The following WWP2 variants were observed in gnomAD, a reference collection of about 807,000 sequenced individuals.
WWP2 encodes the protein NEDD4-like E3 ubiquitin-protein ligase WWP2.
Under a neutral mutation model 121.0 loss-of-function variants are expected in WWP2, and 57 were observed. The observed-to-expected ratio is 0.47, with a 90% CI of 0.38 to 0.59. WWP2 has a LOEUF of 0.59. WWP2 is among the 20% of genes least tolerant of loss of function. The pLI is 0.00. For missense variants in WWP2, 962 were observed against 1,158.9 expected (o/e 0.83, Z 2.47); for synonymous variants, 449 against 441.3 (o/e 1.02, Z -0.22).
At chr16:69,823,824 G>A (rs1371213392) in intron 4 of WWP2, among the ~76,000 whole-genome samples, 3 of 152,150 alleles carry the variant, frequency 2.0e-5, no homozygotes, top group South Asian at 2.1e-4. Context: ...TGCGAAATCA[G>A]GTTACCATTA....
intron 1 of WWP2, among the ~76,000 whole-genome samples, chr16:69,778,942 GTTAT>G (rs10532241): frequency 1 from 142,694 of 143,098 alleles, 71,146 homozygotes; most frequent in Non-Finnish European, 1. Context: ...CACCTGGCCG[GTTAT>G]TTATTTATTT....
At chr16:69,843,542 C>T (rs1247392022) in intron 6 of WWP2, among the ~76,000 whole-genome samples, 7 of 151,916 alleles carry the variant, frequency 4.6e-5, no homozygotes, top group African/African-American at 1.5e-4. Context: ...TTATCACTTG[C>T]GGAAAGTAGG....
chr16:69,819,362 CT>C (rs1218642024), intron 4 of WWP2, among the ~76,000 whole-genome samples: 4 of 152,196 alleles, frequency 2.6e-5, no homozygotes, highest in Non-Finnish European at 5.9e-5. Flanking sequence ...TTATGTGTGT[CT>C]GCTACTCCTT....
intron 7 of WWP2, among the ~76,000 whole-genome samples, chr16:69,887,017 CA>C (rs1019889647): frequency 6.6e-6 from 1 of 152,096 alleles, no homozygotes; most frequent in African/African-American, 2.4e-5. Flanking sequence ...TTATCACTTC[CA>C]AAAAACCACA....
chr16:69,838,486 G>C (rs142955243), intron 4 of WWP2, among the ~76,000 whole-genome samples: 1 of 150,402 alleles, frequency 6.6e-6, no homozygotes, highest in South Asian at 2.1e-4. Flanking sequence ...CAACACTTAC[G>C]ATTGCATAGT....
At chr16:69,900,775 T>TGGCCTCCCAA (rs1368562939) in intron 8 of WWP2, among the ~76,000 whole-genome samples, 12 of 152,096 alleles carry the variant, frequency 7.9e-5, no homozygotes, top group African/African-American at 2.7e-4. Flanking sequence ...CTGCCCGCCT[T>TGGCCTCCCAA]GGCCTCCCAA....
intron 1 of WWP2, among the ~76,000 whole-genome samples, chr16:69,773,965 T>G (rs1400145516): frequency 6.8e-6 from 1 of 146,766 alleles, no homozygotes; most frequent in Non-Finnish European, 1.5e-5. Flanking sequence ...CTTGGGGAAT[T>G]TTTAAATAAC....
intron 2 of WWP2, among the ~76,000 whole-genome samples, chr16:69,790,343 G>T (rs2055882047): frequency 6.6e-6 from 1 of 152,088 alleles, no homozygotes; most frequent in South Asian, 2.1e-4. Flanking sequence ...ATAAGCTAGA[G>T]AAAAAATCAT....
chr16:69,814,262 G>A (rs947704208), intron 4 of WWP2, among the ~76,000 whole-genome samples: 1 of 152,100 alleles, frequency 6.6e-6, no homozygotes, highest in South Asian at 2.1e-4. Flanking sequence ...CTGGGCTCAA[G>A]CGATCCTCTT....
chr16:69,816,984 G>GTC (rs1438800089), intron 4 of WWP2, among the ~76,000 whole-genome samples: 2 of 152,156 alleles, frequency 1.3e-5, no homozygotes, highest in Admixed American at 1.3e-4. Context: ...TGTTCCTAGA[G>GTC]TCTCTGCCCA....
intron 8 of WWP2, among the ~76,000 whole-genome samples, chr16:69,899,252 G>A (rs2058158668): frequency 6.6e-6 from 1 of 151,974 alleles, no homozygotes; most frequent in Non-Finnish European, 1.5e-5. Context: ...GTTCTTGCCT[G>A]TAACTTTAGC....
chr16:69,910,069 A>G (rs1220120248), intron 9 of WWP2: 1 of 153,634 alleles, frequency 6.5e-6, no homozygotes, highest in Non-Finnish European at 1.4e-5. Flanking sequence ...ACCTAAAATA[A>G]TTACTTTGTG....
At position 69,879,995 on chromosome 16, in the gene WWP2, T is replaced by G. The variant is rs1024691943; in HGVS notation, c.704-8044T>G. ...GTTCTTATCTATAAAATGAGATACT[T>G]TTTTTTTTCTTTATGGCCACATTGG... is the stretch of plus-strand genomic sequence containing the variant. On this transcript the variant is annotated intron_variant, in intron 7 of 23. Transcript: ENST00000359154. Among the ~76,000 whole-genome samples, 11 of 151,194 alleles carry G rather than the reference T, an allele frequency of 7.3e-5. No homozygotes were observed. The East Asian group carries it at 1.9e-3, about 27-fold the overall frequency.
chr16:69,844,670 A>G (rs72785009), intron 6 of WWP2, among the ~76,000 whole-genome samples: 7,806 of 152,238 alleles, frequency 0.051, 268 homozygotes, highest in Middle Eastern at 0.11. Flanking sequence ...GCAACAGGAA[A>G]TCGGATGCAT....
At chr16:69,770,347 A>C (rs1480798909) in intron 1 of WWP2, among the ~76,000 whole-genome samples, 1 of 152,040 alleles carries the variant, frequency 6.6e-6, no homozygotes, top group Non-Finnish European at 1.5e-5. Flanking sequence ...GCAGTGACTT[A>C]ATTGATCATG....
At chr16:69,794,908 A>G (rs1455066962) in intron 2 of WWP2, among the ~76,000 whole-genome samples, 9 of 152,080 alleles carry the variant, frequency 5.9e-5, no homozygotes, top group South Asian at 2.1e-4. Flanking sequence ...GAATTGGGGG[A>G]AAAATGGCTT....
chr16:69,767,036 G>GT (rs552760216), intron 1 of WWP2, among the ~76,000 whole-genome samples: 6,516 of 137,720 alleles, frequency 0.047, 156 homozygotes, highest in African/African-American at 0.054. Context: ...TAGGGGTTTT[G>GT]TTTTTTTTTT....
Position 69,792,264 on chromosome 16 carries a change from C to A in WWP2, c.70+5184C>A, listed in dbSNP as rs954279615. 1.1e-4 allele frequency among the ~76,000 whole-genome samples: 17 copies of A among 152,242 alleles called. 2 individuals carry two copies. The highest frequency in any genetic ancestry group is 3.9e-4 in the East Asian group (2 of 5,184). ...ATTTTACTAGAGAAACACTGAAAAA[C>A]TGATCTCTGAAAAGCATAGTATAAT... On this transcript the variant is annotated intron_variant, in intron 2 of 23. Transcript: ENST00000359154.
intron 7 of WWP2, 53 bp downstream of exon 7, chr16:69,871,984 G>A (rs551753535): frequency 6.2e-5 from 98 of 1,571,962 alleles, no homozygotes; most frequent in Middle Eastern, 5.0e-4. Context: ...GCTCTCACCC[G>A]TTCTAACGTG....
Sources: gnomAD v4.1 joint callset for allele counts (sites outside exome capture counted in the v4.1 genomes callset) on GRCh38, gnomAD v4.1.1 for gene constraint, MANE v1.5 for transcripts, NCBI Gene and HGNC (gene_info 2026-07-23, HGNC 2026-07-21) for gene names.